Variants in MYO10 observed in about 807,000 individuals in gnomAD.
MYO10 encodes unconventional myosin-X.
MYO10 carries 133 observed loss-of-function variants against 257.3 expected under a neutral mutation model. That is an observed-to-expected ratio of 0.52 (90% CI 0.45 to 0.60). The LOEUF is 0.60. Ranked by LOEUF, MYO10 falls within the 20% of genes least tolerant of loss-of-function variation. MYO10 has a pLI of 0.00. For synonymous variants in MYO10, 1,104 were observed against 1,028.6 expected, an observed-to-expected ratio of 1.07 and a Z score of -1.40; for missense variants, 2,399 against 2,635.7, an observed-to-expected ratio of 0.91 and a Z score of 1.97.
chr5:16,889,616 C>A (rs1287068191), intron 1 of MYO10, among the ~76,000 whole-genome samples: 5 of 151,734 alleles, frequency 3.3e-5, no homozygotes, highest in African/African-American at 9.7e-5. Context: ...GTAAATGGAG[C>A]TAGGAGACAC....
chr5:16,923,379 T>A (rs548345409), intron 1 of MYO10, among the ~76,000 whole-genome samples: 2 of 151,854 alleles, frequency 1.3e-5, no homozygotes, highest in East Asian at 3.9e-4. Context: ...CTCCGCCTCC[T>A]GGGTTCATGC....
At chr5:16,669,263 G>C (rs1016654859) in intron 39 of MYO10, among the ~76,000 whole-genome samples, 1 of 151,682 alleles carries the variant, frequency 6.6e-6, no homozygotes, top group Admixed American at 6.6e-5. Context: ...GCCCAGGCTG[G>C]AGTGCAGTGG....
At chr5:16,865,363 G>A (rs1163714064) in intron 2 of MYO10, among the ~76,000 whole-genome samples, 2 of 152,124 alleles carry the variant, frequency 1.3e-5, no homozygotes, top group Admixed American at 1.3e-4. Context: ...GGCATCCTCA[G>A]CAGATCTAAG....
At chr5:16,746,245 A>G (rs929689034) in intron 19 of MYO10, among the ~76,000 whole-genome samples, 2 of 151,986 alleles carry the variant, frequency 1.3e-5, no homozygotes, top group Non-Finnish European at 2.9e-5. Context: ...ACCAGAGGTC[A>G]CTCTCGTGGC....
rs1392747812 is a variant in MYO10 at position 16,666,710 on chromosome 5, G to A, written c.6159C>T (p.Ser2053=). The A allele has an allele frequency of 1.2e-6, 2 of 1,604,420 alleles. No homozygotes were observed. The highest frequency in any genetic ancestry group is 1.7e-5 in the Admixed American group (1 of 59,282). Reference sequence around the variant, plus strand: ...CCCGCCTTCACCTGGAGCTGCCCTGGCTGCTGGCGGAGCGTGTCGTGCTGT... The same window carrying A: ...CCCGCCTTCACCTGGAGCTGCCCTGACTGCTGGCGGAGCGTGTCGTGCTGT... The part of the protein sequence containing the change: ...KRYSTTRSAS[S]QGSSR The change falls in exon 41 of 41, where the codon AGC becomes AGT. Residue 2053 remains serine (S), a synonymous_variant. Coordinates refer to ENST00000513610, the MANE Select transcript of MYO10 (RefSeq NM_012334.3).
At chr5:16,819,447 A>C (rs1742734205) in intron 2 of MYO10, among the ~76,000 whole-genome samples, 2 of 152,184 alleles carry the variant, frequency 1.3e-5, no homozygotes, top group Admixed American at 6.5e-5. Flanking sequence ...GCAATAACAA[A>C]ATCATTTGAT....
At chr5:16,710,627 AT>A (rs1002915637) in intron 21 of MYO10, 1 of 443,498 alleles carries the variant, frequency 2.3e-6, no homozygotes, top group African/African-American at 2.0e-5. Context: ...GTCTGCCAAC[AT>A]TTGTTACTGC....
chr5:16,796,557 T>G (rs1484403247), intron 3 of MYO10, among the ~76,000 whole-genome samples: 1 of 152,162 alleles, frequency 6.6e-6, no homozygotes, highest in Non-Finnish European at 1.5e-5. Context: ...CTTAGGCCTC[T>G]CCATGTGGAC....
At chr5:16,838,709 T>C (rs952207392) in intron 2 of MYO10, among the ~76,000 whole-genome samples, 1 of 152,140 alleles carries the variant, frequency 6.6e-6, no homozygotes, top group African/African-American at 2.4e-5. Context: ...ACTTCCACAA[T>C]TAAAGAGGAG....
At chr5:16,713,722 TTG>T (rs778290049) in intron 19 of MYO10, among the ~76,000 whole-genome samples, 2 of 151,964 alleles carry the variant, frequency 1.3e-5, no homozygotes, top group Non-Finnish European at 2.9e-5. Flanking sequence ...TGGATTTCCA[TTG>T]GTGGTTTTCT....
Position 16,675,140 on chromosome 5 carries a change from G to A in MYO10, c.4677C>T (p.Asp1559=). 3 of 1,613,534 alleles carry A rather than the reference G, an allele frequency of 1.9e-6. No individual in the cohort carries two copies. The highest frequency in any genetic ancestry group is 2.5e-6 in the Non-Finnish European group (3 of 1,179,864). ...YGDINLNLLK[D]KGYTTLQDEA... ...CATCCTGAAGGGTGGTATAGCCTTT[G>A]TCTTTGAGCACTAGGACAAGCAAAA... The change falls in exon 35 of 41, where the codon GAC becomes GAT. Residue 1559 remains aspartate (D), a synonymous_variant. Coordinates refer to ENST00000513610, the MANE Select transcript of MYO10 (RefSeq NM_012334.3).
At chr5:16,719,193 A>G (rs906962918) in intron 19 of MYO10, among the ~76,000 whole-genome samples, 1 of 152,214 alleles carries the variant, frequency 6.6e-6, no homozygotes, top group African/African-American at 2.4e-5. Context: ...ACCAGAAGGA[A>G]GAAACTCCGA....
At position 16,837,871 on chromosome 5, in the gene MYO10, T is replaced by A. The variant is rs142355237; in HGVS notation, c.121-19704A>T. ...TGTTTTTACAACAGCAGGTGCTCAC[T>A]TCACATCCGTGTCATATTTTGGTAA... On this transcript the variant is annotated intron_variant, in intron 2 of 40. Coordinates refer to ENST00000513610, the MANE Select transcript of MYO10 (RefSeq NM_012334.3). 1.5e-3 allele frequency among the ~76,000 whole-genome samples: 223 copies of A among 152,142 alleles called. 2 individuals are homozygous for A. Among genetic ancestry groups the A allele is most frequent in the African/African-American group, 5.2e-3 (216 of 41,498 alleles).
At chr5:16,781,875 C>G (rs1387158054) in intron 5 of MYO10, 46 bp from the exon 6 acceptor site, 1 of 1,597,604 alleles carries the variant, frequency 6.3e-7, no homozygotes, top group Non-Finnish European at 8.5e-7. Context: ...AAGGGTGGGT[C>G]TGAAGACAGC....
intron 1 of MYO10, among the ~76,000 whole-genome samples, chr5:16,889,452 GAAGGAAGGGGAAGGGAA>G (rs1222637359): frequency 1.3e-5 from 2 of 148,440 alleles, no homozygotes; most frequent in African/African-American, 5.0e-5. Flanking sequence ...GGAAAGGAAA[GAAGGAAGGGGAAGGGAA>G]GAAAAGAAAG....
chr5:16,871,999 A>G (rs530191529), intron 2 of MYO10, among the ~76,000 whole-genome samples: 8 of 152,338 alleles, frequency 5.3e-5, no homozygotes, highest in African/African-American at 1.9e-4. Flanking sequence ...AGTACACATT[A>G]TCATAGTTCA....
At chr5:16,876,716 G>C (rs193011155) in intron 2 of MYO10, among the ~76,000 whole-genome samples, 1 of 152,138 alleles carries the variant, frequency 6.6e-6, no homozygotes, top group South Asian at 2.1e-4. Flanking sequence ...CACCACAGCT[G>C]GTTAATTTTT....
intron 34 of MYO10, 60 bp from the exon 35 acceptor site, chr5:16,675,210 T>C: frequency 6.4e-7 from 1 of 1,559,024 alleles, no homozygotes; most frequent in Non-Finnish European, 8.7e-7. Flanking sequence ...GGCATGAGCA[T>C]AATCGGAGCA....
chr5:16,934,254 G>T (rs935292081), intron 1 of MYO10, among the ~76,000 whole-genome samples: 10 of 152,242 alleles, frequency 6.6e-5, no homozygotes, highest in Non-Finnish European at 1.0e-4. Flanking sequence ...TCTCCCCAAG[G>T]GGGAGCCACG....
Sources: allele counts gnomAD v4.1 joint callset (sites outside exome capture counted in the v4.1 genomes callset), GRCh38; gene constraint gnomAD v4.1.1; transcripts MANE v1.5; gene names NCBI Gene and HGNC (gene_info 2026-07-23, HGNC 2026-07-21).